ERC2: variants seen among roughly 807,000 people sequenced by gnomAD.
The protein encoded by ERC2 is ERC protein 2.
Under a neutral mutation model 114.8 loss-of-function variants are expected in ERC2, and 42 were observed. The observed-to-expected ratio is 0.37, with a 90% CI of 0.29 to 0.47. The LOEUF is 0.47. Among genes scored for constraint, ERC2 ranks in the 20% least tolerant of loss-of-function variants. The probability of loss-of-function intolerance (pLI) is 0.99; values close to 1 mark genes in which losing one functional copy is unlikely to be tolerated. For synonymous variants in ERC2, 454 were observed against 425.5 expected (o/e 1.07, Z -0.82); for missense variants, 939 against 1,150.7 (o/e 0.82, Z 2.66).
intron 17 of ERC2, among the ~76,000 whole-genome samples, chr3:55,540,860 C>T (rs1427609237): frequency 6.6e-6 from 1 of 152,218 alleles, no homozygotes; most frequent in East Asian, 1.9e-4. Flanking sequence ...CTGGGAGGCA[C>T]CTAGGGCAGT....
intron 15 of ERC2, among the ~76,000 whole-genome samples, chr3:55,717,120 G>A (rs2064166475): frequency 6.6e-6 from 1 of 152,218 alleles, no homozygotes; most frequent in African/African-American, 2.4e-5. Flanking sequence ...TTTAGGAACT[G>A]CTGCTGCAGG....
At chr3:55,539,792 T>C (rs1261907252) in intron 17 of ERC2, among the ~76,000 whole-genome samples, 3 of 152,130 alleles carry the variant, frequency 2.0e-5, no homozygotes, top group African/African-American at 7.2e-5. Context: ...TAATGTTGTT[T>C]AGCCCAGAAT....
chr3:55,560,700 T>A (rs961612316), intron 17 of ERC2, among the ~76,000 whole-genome samples: 4 of 152,140 alleles, frequency 2.6e-5, no homozygotes, highest in Non-Finnish European at 5.9e-5. Context: ...AAAATTCTGA[T>A]ATGTAAGAAA....
chr3:55,886,286 T>C (rs1044588007), intron 14 of ERC2, among the ~76,000 whole-genome samples: 1 of 152,196 alleles, frequency 6.6e-6, no homozygotes, highest in East Asian at 1.9e-4. Context: ...AAAAACATCA[T>C]ATGATAAATT....
intron 3 of ERC2, among the ~76,000 whole-genome samples, chr3:56,258,150 C>T (rs79779612): frequency 7.2e-5 from 11 of 152,292 alleles, no homozygotes; most frequent in African/African-American, 2.4e-4. Flanking sequence ...ACAGCAGATC[C>T]TAGACTCTAG....
intron 17 of ERC2, among the ~76,000 whole-genome samples, chr3:55,668,411 G>A (rs1033053523): frequency 6.6e-6 from 1 of 152,190 alleles, no homozygotes; most frequent in Non-Finnish European, 1.5e-5. Context: ...CCCACATGGT[G>A]GGGCAGAGAA....
intron 17 of ERC2, among the ~76,000 whole-genome samples, chr3:55,551,121 T>C (rs13089911): frequency 6.7e-6 from 1 of 149,054 alleles, no homozygotes; most frequent in Non-Finnish European, 1.5e-5. Context: ...TGTATATGTG[T>C]ATAGATATAC....
intron 4 of ERC2, among the ~76,000 whole-genome samples, chr3:56,157,087 T>C (rs961754978): frequency 6.6e-6 from 1 of 152,276 alleles, no homozygotes; most frequent in Admixed American, 6.5e-5. Context: ...AGATGGTAAA[T>C]AACTTGCCCA....
At chr3:56,329,719 C>T (rs1436992658) in intron 2 of ERC2, among the ~76,000 whole-genome samples, 1 of 152,058 alleles carries the variant, frequency 6.6e-6, no homozygotes, top group African/African-American at 2.4e-5. Context: ...CAACTTTAGA[C>T]ACATTTTGAT....
chr3:55,542,603 C>A (rs1203812868), intron 17 of ERC2, among the ~76,000 whole-genome samples: 1 of 152,150 alleles, frequency 6.6e-6, no homozygotes, highest in Non-Finnish European at 1.5e-5. Context: ...AGTGAAATAT[C>A]TGAGAACAGA....
At chr3:55,866,300 G>C (rs796533289) in intron 14 of ERC2, among the ~76,000 whole-genome samples, 179 of 152,128 alleles carry the variant, frequency 1.2e-3, no homozygotes, top group African/African-American at 4.3e-3. Context: ...ATAAAATAAG[G>C]TTATTTGAGT....
intron 2 of ERC2, among the ~76,000 whole-genome samples, chr3:56,358,103 G>A (rs1424854028): frequency 2.0e-5 from 3 of 152,000 alleles, no homozygotes; most frequent in Admixed American, 6.6e-5. Context: ...TTCCAGTGGC[G>A]CATACATGAG....
chr3:55,517,700 A>G (rs2052624848), intron 17 of ERC2, among the ~76,000 whole-genome samples: 1 of 152,146 alleles, frequency 6.6e-6, no homozygotes, highest in Admixed American at 6.5e-5. Context: ...CACTGGCAGA[A>G]CCAGGCACGA....
At position 55,539,415 on chromosome 3, in the gene ERC2, C is replaced by CTTTTTT. The variant is rs58749389; in HGVS notation, c.*40-28145_*40-28140dup. Among the ~76,000 whole-genome samples, 311 of 39,078 alleles carry CTTTTTT rather than the reference C, an allele frequency of 8.0e-3. 33 individuals are homozygous for CTTTTTT. Among genetic ancestry groups the CTTTTTT allele is most frequent in the Admixed American group, 7.7e-3 (15 of 1,952 alleles). The allele number at this position is 39,078 out of a possible 152,430, so 25.6% of individuals were successfully genotyped here. On this transcript the variant is annotated intron_variant, in intron 17 of 17. Coordinates refer to ENST00000288221, the MANE Select transcript of ERC2 (RefSeq NM_015576.3). ...TCTCTCTCTCTCTCTTTTTTTCTTT[C>CTTTTTT]TTTTTTTTTTTTTTTTTTTTTTTTT...
In ERC2 at chr3:55,537,767, GGAGGACACAGGTCAT is replaced by G. The variant is rs375368690; in HGVS notation, c.*40-26506_*40-26492del. Among the ~76,000 whole-genome samples, 1,045 of 152,326 alleles carry G rather than the reference GGAGGACACAGGTCAT, an allele frequency of 6.9e-3. 13 individuals are homozygous for G. The highest frequency in any genetic ancestry group is 0.024 in the African/African-American group (997 of 41,566). On this transcript the variant is annotated intron_variant, in intron 17 of 17. Coordinates refer to ENST00000288221, the MANE Select transcript of ERC2 (RefSeq NM_015576.3). ...AACCAAAGTCCTGCTTACTCTGCAT[GGAGGACACAGGTCAT>G]GAGGACACATTTCAACATCTTTCCC...
chr3:55,950,621 A>G (rs2149444302), intron 12 of ERC2, 61 bp from the exon 13 acceptor site: 1 of 1,589,706 alleles, frequency 6.3e-7, no homozygotes, highest in South Asian at 1.1e-5. Context: ...TGTTATCACA[A>G]ATAGATTCAG....
At chr3:55,626,507 C>G (rs1406914260) in intron 17 of ERC2, among the ~76,000 whole-genome samples, 1 of 152,204 alleles carries the variant, frequency 6.6e-6, no homozygotes, top group Non-Finnish European at 1.5e-5. Flanking sequence ...TTTACACATG[C>G]AACTCATTAG....
chr3:56,232,783 G>C (rs1423718613), intron 3 of ERC2, among the ~76,000 whole-genome samples: 1 of 152,122 alleles, frequency 6.6e-6, no homozygotes, highest in African/African-American at 2.4e-5. Context: ...TTACATCCAA[G>C]ACCTACTCCA....
chr3:56,182,027 A>ACC (rs2083318140), intron 3 of ERC2, among the ~76,000 whole-genome samples: 2 of 152,150 alleles, frequency 1.3e-5, no homozygotes, highest in Non-Finnish European at 1.5e-5. Context: ...TTCCTGACCT[A>ACC]CAGAGTCTGT....
Sources: allele counts gnomAD v4.1 joint callset (sites outside exome capture counted in the v4.1 genomes callset), GRCh38; gene constraint gnomAD v4.1.1; transcripts MANE v1.5; gene names NCBI Gene and HGNC (gene_info 2026-07-23, HGNC 2026-07-21).